Variants in DSN1 observed in about 807,000 individuals in gnomAD.
DSN1 encodes the protein DSN1 component of MIS12 kinetochore complex.
In DSN1, 31 loss-of-function variants were observed where a neutral mutation model predicts 45.7. The observed-to-expected ratio is 0.68, with a 90% confidence interval of 0.51 to 0.92. DSN1 has a LOEUF of 0.92. Among genes scored for constraint, DSN1 ranks in the 40% least tolerant of loss-of-function variants. The probability of loss-of-function intolerance (pLI) is 0.00; values close to 1 mark genes in which losing one functional copy is unlikely to be tolerated. For missense variants in DSN1, 394 were observed against 414.2 expected, an observed-to-expected ratio of 0.95 and a Z score of 0.42; for synonymous variants, 134 against 142.3, an observed-to-expected ratio of 0.94 and a Z score of 0.41.
At chr20:36,766,108 C>T (rs1601020070) in intron 5 of DSN1, among the ~76,000 whole-genome samples, 1 of 146,920 alleles carries the variant, frequency 6.8e-6, no homozygotes, top group Non-Finnish European at 1.5e-5. Context: ...GCAGGAGAAT[C>T]GCTTGAACCC....
At chr20:36,757,095 C>T (rs1161472068) in intron 8 of DSN1, among the ~76,000 whole-genome samples, 3 of 152,214 alleles carry the variant, frequency 2.0e-5, no homozygotes, top group Non-Finnish European at 2.9e-5. Flanking sequence ...GTGGCTTACA[C>T]CTGTAATCTC....
chr20:36,759,315 C>T (rs909478313), intron 6 of DSN1, among the ~76,000 whole-genome samples: 8 of 151,958 alleles, frequency 5.3e-5, no homozygotes, highest in South Asian at 2.1e-4. Context: ...GATGGAGTCT[C>T]GCCATGTTGC....
chr20:36,760,253 CA>C (rs886275683), intron 6 of DSN1, among the ~76,000 whole-genome samples: 27 of 150,044 alleles, frequency 1.8e-4, no homozygotes, highest in African/African-American at 5.4e-4. Context: ...CAAAAAAAAA[CA>C]AAAACAAAAA....
At chr20:36,758,651 T>C in intron 6 of DSN1, 34 bp from the exon 7 acceptor site, 2 of 1,563,710 alleles carry the variant, frequency 1.3e-6, no homozygotes, top group Non-Finnish European at 1.7e-6. Context: ...CATAAATCTT[T>C]CAAGAAATAT....
intron 6 of DSN1, among the ~76,000 whole-genome samples, chr20:36,761,772 G>A (rs905732420): frequency 3.9e-5 from 6 of 152,152 alleles, no homozygotes; most frequent in East Asian, 1.9e-4. Context: ...TAAGTAGGGC[G>A]AATTACTTGA....
chr20:36,767,448 TG>T (rs1987406998), intron 4 of DSN1, among the ~76,000 whole-genome samples: 1 of 152,150 alleles, frequency 6.6e-6, no homozygotes, highest in Non-Finnish European at 1.5e-5. Context: ...TGTAAGCACC[TG>T]GTAGCCACAT....
At position 36,752,714 on chromosome 20, in the gene DSN1, G is replaced by T; in HGVS notation, c.*74C>A. ...TTCAAAGGCAACGAGCAGAAATCAC[G>T]CAGTCACCACGTGCTGGGGCACTCT... On this transcript the variant is annotated 3_prime_UTR_variant, in exon 11 of 11. Transcript: ENST00000373750. 1.7e-6 allele frequency: 2 copies of T among 1,202,818 alleles called. No homozygotes were observed. The highest frequency in any genetic ancestry group is 2.5e-6 in the Non-Finnish European group (2 of 813,376). The allele number at this position is 1,202,818 out of a possible 1,614,324, so 74.5% of individuals were successfully genotyped here.
chr20:36,760,088 A>C (rs1568691363), intron 6 of DSN1, among the ~76,000 whole-genome samples: 1 of 151,812 alleles, frequency 6.6e-6, no homozygotes, highest in Non-Finnish European at 1.5e-5. Context: ...TACTAAAAAT[A>C]CAAAAATTAG....
intron 5 of DSN1, among the ~76,000 whole-genome samples, chr20:36,764,282 C>A (rs1987192490): frequency 6.6e-6 from 1 of 151,898 alleles, no homozygotes; most frequent in Non-Finnish European, 1.5e-5. Context: ...CTTGAAGAGT[C>A]CACTACTACA....
At chr20:36,758,730 C>T in intron 6 of DSN1, 113 bp from the exon 7 acceptor site, 1 of 1,044,950 alleles carries the variant, frequency 9.6e-7, no homozygotes, top group Admixed American at 2.6e-5. Context: ...TCTTGTTGCC[C>T]AGGCTGGAGT....
In DSN1 at chr20:36,752,897, C is replaced by G; in HGVS notation, c.962G>C (p.Gly321Ala). 1.9e-6 allele frequency: 3 copies of G among 1,612,234 alleles called. No individual in the cohort carries two copies. The highest frequency in any genetic ancestry group is 2.5e-6 in the Non-Finnish European group (3 of 1,178,770). ...ATCTAATTGTTGCATGCTTCTCTTT[C>G]CTGCAGAGAAAAGAGGCCAAAAAAT... ...QCFQKVSVQL[G>A]KRSMQQLDPS... Residue 321 changes from glycine (G) to alanine (A), a missense_variant and splice_region_variant, in exon 11 of 11, where the codon GGA becomes GCA. By Grantham distance (60) the Gly-to-Ala change is moderately conservative. Transcript: ENST00000373750.
At chr20:36,759,013 C>T (rs560643580) in intron 6 of DSN1, among the ~76,000 whole-genome samples, 2 of 151,828 alleles carry the variant, frequency 1.3e-5, no homozygotes, top group African/African-American at 4.8e-5. Flanking sequence ...GACGGAGTCT[C>T]GCTTTGTCAC....
chr20:36,754,450 A>G (rs575884946), intron 10 of DSN1, among the ~76,000 whole-genome samples: 1 of 152,280 alleles, frequency 6.6e-6, no homozygotes, highest in South Asian at 2.1e-4. Context: ...TGTCAGTGTC[A>G]CTTAGTGAAT....
intron 5 of DSN1, among the ~76,000 whole-genome samples, chr20:36,766,186 C>A (rs1215627410): frequency 3.0e-5 from 4 of 131,984 alleles, no homozygotes; most frequent in African/African-American, 8.9e-5. Context: ...AGAGCCGCGA[C>A]TCCATCTCAA....
intron 6 of DSN1, among the ~76,000 whole-genome samples, chr20:36,761,231 G>A (rs1986963288): frequency 6.6e-6 from 1 of 152,066 alleles, no homozygotes; most frequent in Admixed American, 6.6e-5. Flanking sequence ...CAGGTTTCAA[G>A]CCCAAGGTCA....
chr20:36,758,162 C>CT lies in DSN1; in HGVS notation c.651-2dup. 6.2e-7 allele frequency: 1 copy of CT among 1,613,498 alleles called. No homozygotes were observed. ...CCAAGTCTGACGTTCTAAAGAAAAC[C>CT]TGTAAGAATCAGGAAAAAAAGTTCA... is the stretch of plus-strand genomic sequence containing the variant. On this transcript the variant is annotated splice_acceptor_variant, in intron 7 of 10. Coordinates refer to ENST00000373750, the MANE Select transcript of DSN1 (RefSeq NM_001145315.2). LOFTEE classifies it high-confidence loss of function.
rs1390918231 is a variant in DSN1 at position 36,754,788 on chromosome 20, G to A, written c.936C>T (p.Cys312=). The part of the protein sequence containing the change: ...LQAFMDESTQ[C]FQKVSVQLGK... The stretch of plus-strand genomic sequence containing the variant: ...CGAGCTGTACTGACACCTTCTGGAA[G>A]CACTGGGTACTTTCATCCATAAAGG... Residue 312 remains cysteine (C), a synonymous_variant, in exon 10 of 11, where the codon TGC becomes TGT. Transcript: ENST00000373750. 1 of 1,613,936 alleles carries A rather than the reference G, an allele frequency of 6.2e-7. No individual in the cohort carries two copies.
At chr20:36,769,350 T>C (rs1256549391) in intron 3 of DSN1, among the ~76,000 whole-genome samples, 1 of 152,192 alleles carries the variant, frequency 6.6e-6, no homozygotes, top group Admixed American at 6.5e-5. Flanking sequence ...TTTCTGCCTA[T>C]AACCAAGGAA....
At chr20:36,765,247 T>TAAAAAAA (rs33998027) in intron 5 of DSN1, among the ~76,000 whole-genome samples, 1 of 75,278 alleles carries the variant, frequency 1.3e-5, no homozygotes, top group South Asian at 5.9e-4. Flanking sequence ...AGGCTTGTGT[T>TAAAAAAA]AAAAAAAAAA....
Sources: allele counts gnomAD v4.1 joint callset (sites outside exome capture counted in the v4.1 genomes callset), GRCh38; gene constraint gnomAD v4.1.1; transcripts MANE v1.5; gene names NCBI Gene and HGNC (gene_info 2026-07-23, HGNC 2026-07-21).